The following ESYT3 variants were observed in gnomAD, a reference collection of about 807,000 sequenced individuals.
ESYT3 encodes the protein extended synaptotagmin 3.
In ESYT3, 101 loss-of-function variants were observed where a neutral mutation model predicts 111.5. The observed-to-expected ratio is 0.91, with a 90% CI of 0.77 to 1.07. The LOEUF is 1.07. Among genes scored for constraint, ESYT3 ranks in the 50% least tolerant of loss-of-function variants. The pLI, the probability that ESYT3 is intolerant of heterozygous loss-of-function variation, is 0.00. For synonymous variants in ESYT3, 416 were observed against 446.8 expected (o/e 0.93, Z 0.87); for missense variants, 1,097 against 1,109.4 (o/e 0.99, Z 0.16).
intron 16 of ESYT3, 40 bp downstream of exon 16, chr3:138,470,186 T>C (rs1418511269): frequency 6.2e-7 from 1 of 1,600,800 alleles, no homozygotes; most frequent in Non-Finnish European, 8.5e-7. Context: ...AGTTAAGAGG[T>C]TTTTAAGCCA....
intron 20 of ESYT3, among the ~76,000 whole-genome samples, chr3:138,474,975 C>A (rs1426092581): frequency 6.6e-6 from 1 of 152,206 alleles, no homozygotes; most frequent in African/African-American, 2.4e-5. Flanking sequence ...ACATTTCTAG[C>A]CAGCTTAGGA....
chr3:138,448,895 G>A (rs140689757), intron 1 of ESYT3, among the ~76,000 whole-genome samples: 63 of 152,144 alleles, frequency 4.1e-4, no homozygotes, highest in African/African-American at 1.5e-3. Context: ...CCCTAGGCAG[G>A]GTAGGAGAAT....
In ESYT3 at chr3:138,477,008, TTAACTCC is replaced by T; in HGVS notation, c.*155_*161del. 3 of 537,906 alleles carry T rather than the reference TTAACTCC, an allele frequency of 5.6e-6. No individual in the cohort carries two copies. Among genetic ancestry groups the T allele is most frequent in the Non-Finnish European group, 9.5e-6 (3 of 314,466 alleles). 33.3% of individuals were successfully genotyped at this position (537,906 alleles called of 1,614,324 possible). A position where few individuals can be genotyped will look rare whatever the true frequency, so the allele number is the denominator to read the frequency against. On this transcript the variant is annotated 3_prime_UTR_variant, in exon 23 of 23. Coordinates refer to ENST00000389567, the MANE Select transcript of ESYT3 (RefSeq NM_031913.5). Reference sequence around the variant, plus strand: ...TATACATACAATTCTTGTGTGGAATTTAACTCCATGACTGAATAGCATAAGGAAGAGG... The same window carrying T: ...TATACATACAATTCTTGTGTGGAATTATGACTGAATAGCATAAGGAAGAGG...
rs374328280 is a variant in ESYT3, at chr3:138,473,630, T to C, written c.2332T>C (p.Cys778Arg). 3.2e-5 allele frequency: 52 copies of C among 1,613,356 alleles called. No homozygotes were observed. The highest frequency in any genetic ancestry group is 1.7e-4 in the Middle Eastern group (1 of 6,060). The change falls in exon 19 of 23, where the codon TGC (cysteine) becomes CGC (arginine). Residue 778 changes from cysteine to arginine, a missense_variant. Coordinates refer to ENST00000389567, the MANE Select transcript of ESYT3 (RefSeq NM_031913.5). ...CTGCCTCAGCGTGCTAATCAATGGC[T>C]GCAGGTAAAGGGATTCTAGGGCCAG... ...RRCLSVLING[C>R]RNLTPCTSSG...
intron 1 of ESYT3, among the ~76,000 whole-genome samples, chr3:138,441,448 C>T (rs898765852): frequency 3.9e-5 from 6 of 152,018 alleles, no homozygotes; most frequent in African/African-American, 1.4e-4. Flanking sequence ...TCACCGGCTC[C>T]CACTGGGTCC....
Position 138,468,650 on chromosome 3 carries a change from T to C in ESYT3, c.1309-5T>C, listed in dbSNP as rs1576461114. The C allele has an allele frequency of 6.2e-7, 1 of 1,614,038 alleles. No individual in the cohort carries two copies. Among genetic ancestry groups the C allele is most frequent in the African/African-American group, 1.3e-5 (1 of 74,920 alleles). ...TACCCAGTGAGGGTCTGTGTCTGTT[T>C]GCAGGACCATGGTGGCCTTTCCACT... On this transcript the variant is annotated splice_region_variant and splice_polypyrimidine_tract_variant and intron_variant, in intron 12 of 22. Transcript: ENST00000389567.
chr3:138,465,297 C>G, intron 9 of ESYT3, 42 bp from the exon 10 acceptor site: 1 of 1,463,804 alleles, frequency 6.8e-7, no homozygotes, highest in Non-Finnish European at 9.4e-7. Context: ...TATGTCAGGT[C>G]GACTGTTGCC....
chr3:138,462,926 G>T (rs554958562), intron 8 of ESYT3, among the ~76,000 whole-genome samples: 43 of 152,312 alleles, frequency 2.8e-4, no homozygotes, highest in Non-Finnish European at 5.3e-4. Context: ...GCCTCCCAAA[G>T]TGCTGGGATT....
At chr3:138,460,761 C>T in intron 7 of ESYT3, 95 bp downstream of exon 7, 1 of 1,297,998 alleles carries the variant, frequency 7.7e-7, no homozygotes, top group African/African-American at 1.5e-5. Flanking sequence ...GTGGTGCTTT[C>T]CCTCCTGGTG....
chr3:138,451,259 A>G (rs550899450), intron 1 of ESYT3, among the ~76,000 whole-genome samples: 1 of 152,118 alleles, frequency 6.6e-6, no homozygotes. Flanking sequence ...GTTGGAAGCT[A>G]TGTGACTATA....
chr3:138,480,070 T>C (rs2033656486), downstream of ESYT3: 1 of 152,012 alleles, frequency 6.6e-6, no homozygotes, highest in Admixed American at 6.6e-5. Flanking sequence ...AAATTAGCAG[T>C]GAAGAAGAAA....
In ESYT3 at chr3:138,469,440, A is replaced by G; in HGVS notation, c.1439A>G (p.Lys480Arg). Residue 480 changes from lysine to arginine, a missense_variant, in exon 15 of 23, where the codon AAG becomes AGG. Lys to Arg is a conservative substitution (Grantham distance 26). Coordinates refer to ENST00000389567, the MANE Select transcript of ESYT3 (RefSeq NM_031913.5). ...TATGGATTTGATTCCTCACAGAACA[A>G]GGTCAGCAAAGACCCTTCTTCCTAT... is the stretch of plus-strand genomic sequence containing the variant. Reference protein sequence around the residue: ...AKKLSRFARNKVSKDPSSYVK... With the variant: ...AKKLSRFARNRVSKDPSSYVK... The G allele has an allele frequency of 1.2e-6, 2 of 1,613,710 alleles. No homozygotes were observed. The highest frequency in any genetic ancestry group is 1.7e-6 in the Non-Finnish European group (2 of 1,179,638).
chr3:138,436,975 A>G (rs562134422), intron 1 of ESYT3, among the ~76,000 whole-genome samples: 1 of 151,656 alleles, frequency 6.6e-6, no homozygotes, highest in Non-Finnish European at 1.5e-5. Context: ...CCCCACATAC[A>G]CCACAGAGAC....
intron 17 of ESYT3, among the ~76,000 whole-genome samples, chr3:138,471,733 C>T (rs937510334): frequency 6.6e-5 from 10 of 152,156 alleles, no homozygotes; most frequent in Admixed American, 2.0e-4. Context: ...GCTTTTGCTG[C>T]AGCTCAGTAC....
At chr3:138,468,320 C>A in intron 12 of ESYT3, 126 bp downstream of exon 12, 1 of 833,936 alleles carries the variant, frequency 1.2e-6, no homozygotes, top group South Asian at 1.6e-5. Flanking sequence ...GAACATGTCA[C>A]TCAGCCCGTC....
intron 2 of ESYT3, among the ~76,000 whole-genome samples, chr3:138,452,582 C>G (rs1015898933): frequency 2.0e-5 from 3 of 152,220 alleles, no homozygotes; most frequent in Non-Finnish European, 4.4e-5. Flanking sequence ...CCCCTGGGAA[C>G]TCCCCTTGGG....
intron 5 of ESYT3, among the ~76,000 whole-genome samples, chr3:138,459,688 C>G (rs192917209): frequency 6.6e-6 from 1 of 152,362 alleles, no homozygotes; most frequent in African/African-American, 2.4e-5. Flanking sequence ...CTATAGGTCT[C>G]TCAGGCCAGC....
chr3:138,449,042 TG>T (rs1264978790), intron 1 of ESYT3, among the ~76,000 whole-genome samples: 1 of 151,536 alleles, frequency 6.6e-6, no homozygotes, highest in Non-Finnish European at 1.5e-5. Flanking sequence ...TTAATCATTG[TG>T]GGCCTTGGTC....
chr3:138,460,490 C>T (rs572543379), intron 6 of ESYT3, 121 bp from the exon 7 acceptor site: 22 of 1,114,944 alleles, frequency 2.0e-5, no homozygotes, highest in East Asian at 4.8e-5. Flanking sequence ...TGCTTTCCTC[C>T]GAACCCCCAC....
Sources: gnomAD v4.1 joint callset for allele counts (sites outside exome capture counted in the v4.1 genomes callset) on GRCh38, gnomAD v4.1.1 for gene constraint, MANE v1.5 for transcripts, NCBI Gene and HGNC (gene_info 2026-07-23, HGNC 2026-07-21) for gene names.